GPR176: variants seen among roughly 807,000 people sequenced by gnomAD.
GPR176 encodes the protein G protein-coupled receptor 176.
Under a neutral mutation model 35.4 loss-of-function variants are expected in GPR176, and 26 were observed. The observed-to-expected ratio is 0.74, with a 90% CI of 0.54 to 1.02. GPR176 has a LOEUF of 1.02. Among genes scored for constraint, GPR176 ranks in the 50% least tolerant of loss-of-function variants. GPR176 has a pLI of 0.00. For missense variants in GPR176, 597 were observed against 665.3 expected (o/e 0.90, Z 1.13); for synonymous variants, 278 against 271.3 (o/e 1.02, Z -0.24).
At chr15:39,825,898 C>A (rs1007283730) in intron 1 of GPR176, among the ~76,000 whole-genome samples, 1 of 152,148 alleles carries the variant, frequency 6.6e-6, no homozygotes. Flanking sequence ...TTTCCAAATG[C>A]ATTACTATAA....
Position 39,799,730 on chromosome 15 carries a change from G to A in GPR176, c.*1402C>T, listed in dbSNP as rs1381283852. On this transcript the variant is annotated 3_prime_UTR_variant, in exon 3 of 3. Coordinates refer to ENST00000561100, the MANE Select transcript of GPR176 (RefSeq NM_007223.3). ...CTCTAGAGAAAAGGGCAGAGCTGGC[G>A]CTTGGTTTGTCCTCACTAACAGGGA... 3.3e-5 allele frequency: 5 copies of A among 152,272 alleles called. No individual in the cohort carries two copies. The highest frequency in any genetic ancestry group is 4.8e-5 in the African/African-American group (2 of 41,456). 9.4% of individuals were successfully genotyped at this position (152,272 alleles called of 1,614,324 possible). A position where few individuals can be genotyped will look rare whatever the true frequency, so the allele number is the denominator to read the frequency against.
chr15:39,863,060 T>TC (rs1471147832), intron 1 of GPR176, among the ~76,000 whole-genome samples: 4 of 143,894 alleles, frequency 2.8e-5, no homozygotes, highest in Non-Finnish European at 4.6e-5. Flanking sequence ...TTAGTTTTTC[T>TC]TTTTTTTTTT....
At chr15:39,881,157 G>A (rs754993910) in intron 1 of GPR176, among the ~76,000 whole-genome samples, 3 of 151,926 alleles carry the variant, frequency 2.0e-5, no homozygotes, top group Non-Finnish European at 4.4e-5. Flanking sequence ...TGCTCTCACT[G>A]GCCTGTCTCC....
At chr15:39,830,771 AAAT>A (rs1476849624) in intron 1 of GPR176, among the ~76,000 whole-genome samples, 5 of 152,232 alleles carry the variant, frequency 3.3e-5, no homozygotes, top group African/African-American at 1.2e-4. Context: ...TCATTGATTT[AAAT>A]AATACTTGAT....
chr15:39,830,496 C>G (rs936394292), intron 1 of GPR176, among the ~76,000 whole-genome samples: 1 of 152,122 alleles, frequency 6.6e-6, no homozygotes, highest in Non-Finnish European at 1.5e-5. Context: ...AAGAGAGAGA[C>G]AGGACTGGAA....
At chr15:39,907,812 A>G (rs999376004) in intron 1 of GPR176, among the ~76,000 whole-genome samples, 8 of 152,136 alleles carry the variant, frequency 5.3e-5, no homozygotes, top group Non-Finnish European at 1.0e-4. Context: ...ATATATAAAA[A>G]GCTATTGATT....
intron 1 of GPR176, among the ~76,000 whole-genome samples, chr15:39,889,939 C>T (rs1188061570): frequency 6.6e-6 from 1 of 152,176 alleles, no homozygotes; most frequent in African/African-American, 2.4e-5. Flanking sequence ...TACCCAAGGC[C>T]TATTGCAGAG....
chr15:39,820,814 G>A (rs745536004), intron 1 of GPR176, among the ~76,000 whole-genome samples: 1 of 152,162 alleles, frequency 6.6e-6, no homozygotes, highest in Non-Finnish European at 1.5e-5. Context: ...CATGGAGAGA[G>A]TGGAAGAGAA....
chr15:39,821,802 A>T (rs1900290069), intron 1 of GPR176, among the ~76,000 whole-genome samples: 1 of 152,236 alleles, frequency 6.6e-6, no homozygotes, highest in Non-Finnish European at 1.5e-5. Context: ...CTAACTGTTA[A>T]GAGTTCTGGC....
chr15:39,917,287 T>C (rs1490741055), intron 1 of GPR176, among the ~76,000 whole-genome samples: 2 of 145,968 alleles, frequency 1.4e-5, no homozygotes, highest in African/African-American at 5.0e-5. Context: ...AAACTCCGTC[T>C]CAAAAAAAAA....
At chr15:39,866,887 G>A (rs1010168060) in intron 1 of GPR176, among the ~76,000 whole-genome samples, 6 of 152,100 alleles carry the variant, frequency 3.9e-5, no homozygotes, top group South Asian at 2.1e-4. Flanking sequence ...CATACAAAGG[G>A]GGAGCAAGGT....
intron 1 of GPR176, among the ~76,000 whole-genome samples, chr15:39,818,216 T>C (rs895769990): frequency 4.6e-5 from 7 of 152,226 alleles, no homozygotes; most frequent in Middle Eastern, 3.2e-3. Context: ...AACTAATACC[T>C]GCCCAACTCA....
intron 1 of GPR176, among the ~76,000 whole-genome samples, chr15:39,809,764 T>C (rs1899422499): frequency 6.6e-6 from 1 of 151,806 alleles, no homozygotes. Context: ...AGGTAGAGAG[T>C]GGTGACATTG....
chr15:39,917,407 C>A (rs1362091519), intron 1 of GPR176, among the ~76,000 whole-genome samples: 1 of 150,010 alleles, frequency 6.7e-6, no homozygotes, highest in African/African-American at 2.5e-5. Flanking sequence ...GAAATCCCAG[C>A]TCACTGCAAC....
chr15:39,909,037 C>A (rs2033504400), intron 1 of GPR176, among the ~76,000 whole-genome samples: 1 of 152,172 alleles, frequency 6.6e-6, no homozygotes, highest in Non-Finnish European at 1.5e-5. Flanking sequence ...ACTCAATATT[C>A]CCTCTGTAAT....
At chr15:39,802,608 C>G (rs1898956884) in intron 2 of GPR176, among the ~76,000 whole-genome samples, 1 of 152,218 alleles carries the variant, frequency 6.6e-6, no homozygotes. Context: ...ATTTCTCCAT[C>G]TGCTATAAAG....
At chr15:39,850,057 T>C (rs568113113) in intron 1 of GPR176, among the ~76,000 whole-genome samples, 1 of 152,160 alleles carries the variant, frequency 6.6e-6, no homozygotes, top group South Asian at 2.1e-4. Flanking sequence ...ATTTTTAAAA[T>C]GGTACACTTG....
intron 1 of GPR176, among the ~76,000 whole-genome samples, chr15:39,865,783 T>C (rs951527401): frequency 1.3e-5 from 2 of 152,194 alleles, no homozygotes; most frequent in African/African-American, 2.4e-5. Context: ...AATTTACATA[T>C]GCATTGGCAA....
chr15:39,875,751 A>C (rs1167780789), intron 1 of GPR176, among the ~76,000 whole-genome samples: 1 of 152,166 alleles, frequency 6.6e-6, no homozygotes, highest in Non-Finnish European at 1.5e-5. Flanking sequence ...AAATGTTTTT[A>C]AAATCATTAA....
Sources: gnomAD v4.1 joint callset for allele counts (sites outside exome capture counted in the v4.1 genomes callset) on GRCh38, gnomAD v4.1.1 for gene constraint, MANE v1.5 for transcripts, NCBI Gene and HGNC (gene_info 2026-07-23, HGNC 2026-07-21) for gene names.